The following PAMR1 variants were observed in gnomAD, a reference collection of about 807,000 sequenced individuals.
PAMR1 encodes the protein inactive serine protease PAMR1.
Under a neutral mutation model 81.8 loss-of-function variants are expected in PAMR1, and 88 were observed. The ratio of observed to expected loss-of-function variants is 1.08; its 90% CI spans 0.91 to 1.28. The LOEUF (loss-of-function observed/expected upper bound fraction) is 1.28. Among genes scored for constraint, PAMR1 ranks in the 50% most tolerant of loss-of-function variants. The probability of loss-of-function intolerance (pLI) is 0.00; values close to 1 mark genes in which losing one functional copy is unlikely to be tolerated. For missense variants in PAMR1, 935 were observed against 919.7 expected, an observed-to-expected ratio of 1.02 and a Z score of -0.21; for synonymous variants, 336 against 345.3, an observed-to-expected ratio of 0.97 and a Z score of 0.30.
intron 1 of PAMR1, among the ~76,000 whole-genome samples, chr11:35,522,169 G>T (rs937952210): frequency 6.6e-6 from 1 of 152,062 alleles, no homozygotes; most frequent in Non-Finnish European, 1.5e-5. Context: ...TGATCTGCCC[G>T]CCCTGGCCTC....
upstream of PAMR1, among the ~76,000 whole-genome samples, chr11:35,529,728 T>C (rs1213675109): frequency 5.9e-5 from 9 of 152,184 alleles, no homozygotes; most frequent in African/African-American, 2.2e-4. Context: ...TACCACTGCT[T>C]GCTTCGGGGA....
At chr11:35,497,749 A>G (rs745424543) in intron 1 of PAMR1, among the ~76,000 whole-genome samples, 1 of 152,200 alleles carries the variant, frequency 6.6e-6, no homozygotes, top group Non-Finnish European at 1.5e-5. Context: ...GATCAACTAT[A>G]ACATGTCACT....
intron 1 of PAMR1, among the ~76,000 whole-genome samples, chr11:35,507,039 CT>C (rs71044524): frequency 1.8e-3 from 156 of 86,766 alleles, no homozygotes; most frequent in Non-Finnish European, 2.3e-3. Context: ...AATAGCCTGA[CT>C]TTTTTTTTTT....
At chr11:35,524,321 G>A (rs1851343968) in intron 1 of PAMR1, among the ~76,000 whole-genome samples, 1 of 152,192 alleles carries the variant, frequency 6.6e-6, no homozygotes. Flanking sequence ...ACCTGGGCAG[G>A]CAGGCTCTAG....
intron 7 of PAMR1, among the ~76,000 whole-genome samples, chr11:35,441,201 A>C (rs1347653304): frequency 6.6e-6 from 1 of 152,170 alleles, no homozygotes; most frequent in Non-Finnish European, 1.5e-5. Flanking sequence ...GCATATATTA[A>C]ACTCAGCCCT....
In PAMR1 at chr11:35,487,358, C is replaced by A. The variant is rs114596389; in HGVS notation, c.379+4687G>T. ...ACCAAGCCTGCTTTTCCACTTAAGA[C>A]CTCCTGTCCCTATTGCCCCTCTACC... On this transcript the variant is annotated intron_variant, in intron 3 of 10. Transcript: ENST00000619888. Among the ~76,000 whole-genome samples the A allele has an allele frequency of 9.2e-3, 1,394 of 152,298 alleles. 25 individuals are homozygous for A. The highest frequency in any genetic ancestry group is 0.032 in the African/African-American group (1,319 of 41,546).
chr11:35,434,205 C>T (rs999898932), intron 10 of PAMR1, among the ~76,000 whole-genome samples: 1 of 152,078 alleles, frequency 6.6e-6, no homozygotes, highest in Admixed American at 6.5e-5. Context: ...CATATCCTAC[C>T]AGGTAACATG....
intron 1 of PAMR1, among the ~76,000 whole-genome samples, chr11:35,494,516 G>A (rs1850689303): frequency 1.3e-5 from 2 of 152,160 alleles, no homozygotes; most frequent in Non-Finnish European, 2.9e-5. Flanking sequence ...TGTATTTTTA[G>A]TAGAGACCGG....
At chr11:35,479,508 G>A (rs944118935) in intron 3 of PAMR1, among the ~76,000 whole-genome samples, 4 of 152,170 alleles carry the variant, frequency 2.6e-5, no homozygotes, top group African/African-American at 4.8e-5. Flanking sequence ...TATTTTTCTC[G>A]AGTCTTGTCT....
rs549368517 is a variant in PAMR1, at chr11:35,479,909, A to C, written c.380-5165T>G. 2.6e-5 allele frequency among the ~76,000 whole-genome samples: 4 copies of C among 152,302 alleles called. No individual in the cohort carries two copies. The East Asian group carries it at 7.7e-4, about 29-fold the overall frequency. Reference sequence around the variant, plus strand: ...GAGTCAGTACAGGAAGGTACTCCGAATGATGCCTGGTTCATAGTAAGTACT... The same window carrying C: ...GAGTCAGTACAGGAAGGTACTCCGACTGATGCCTGGTTCATAGTAAGTACT... On this transcript the variant is annotated intron_variant, in intron 3 of 10. Transcript: ENST00000619888.
At chr11:35,501,679 C>T (rs919052550) in intron 1 of PAMR1, among the ~76,000 whole-genome samples, 8 of 152,052 alleles carry the variant, frequency 5.3e-5, no homozygotes, top group African/African-American at 4.8e-5. Flanking sequence ...AGTAAGAACA[C>T]GCAATATTTA....
In PAMR1 at chr11:35,435,919, T is replaced by G. The variant is rs1590313903; in HGVS notation, c.1317A>C (p.Ala439=). The G allele has an allele frequency of 6.2e-7, 1 of 1,613,578 alleles. No homozygotes were observed. The highest frequency in any genetic ancestry group is 1.1e-5 in the South Asian group (1 of 91,072). Reference sequence around the variant, plus strand: ...TTGACTCACTAGGGATGCAGGATGGTGCCCGCCCACTCCACTTCCCAGTCC... The same window carrying G: ...TTGACTCACTAGGGATGCAGGATGGGGCCCGCCCACTCCACTTCCCAGTCC... The part of the protein sequence containing the change: ...CLRTGKWSGR[A]PSCIPICGKI... Residue 439 remains alanine (A), a synonymous_variant, in exon 9 of 11, where the codon GCA becomes GCC. Coordinates refer to ENST00000619888, the MANE Select transcript of PAMR1 (RefSeq NM_001001991.3).
intron 6 of PAMR1, among the ~76,000 whole-genome samples, chr11:35,459,807 A>G (rs1856612656): frequency 6.6e-6 from 1 of 152,220 alleles, no homozygotes. Flanking sequence ...TAAGATTGGA[A>G]TTGTTCCATA....
At chr11:35,505,579 C>G (rs1232411422) in intron 1 of PAMR1, among the ~76,000 whole-genome samples, 2 of 152,072 alleles carry the variant, frequency 1.3e-5, no homozygotes, top group Non-Finnish European at 2.9e-5. Flanking sequence ...TATCCTCTTG[C>G]TGAATTGACT....
chr11:35,460,885 G>A (rs905348411), intron 6 of PAMR1, among the ~76,000 whole-genome samples: 2 of 152,094 alleles, frequency 1.3e-5, no homozygotes, highest in Non-Finnish European at 2.9e-5. Flanking sequence ...CTGAGGAATC[G>A]CCACACTCTT....
chr11:35,436,795 A>G (rs551796242), intron 8 of PAMR1, among the ~76,000 whole-genome samples: 1 of 152,334 alleles, frequency 6.6e-6, no homozygotes, highest in African/African-American at 2.4e-5. Flanking sequence ...TTTTAACCAA[A>G]GACAATAATA....
At chr11:35,493,058 T>A (rs2135400733) in intron 2 of PAMR1, among the ~76,000 whole-genome samples, 1 of 152,308 alleles carries the variant, frequency 6.6e-6, no homozygotes, top group African/African-American at 2.4e-5. Context: ...GCATCCGACT[T>A]GACTCTGTTC....
At chr11:35,494,906 G>A (rs1223863988) in intron 1 of PAMR1, among the ~76,000 whole-genome samples, 1 of 152,214 alleles carries the variant, frequency 6.6e-6, no homozygotes, top group Non-Finnish European at 1.5e-5. Flanking sequence ...AATAGAACCT[G>A]TATATAATTT....
intron 7 of PAMR1, 78 bp from the exon 8 acceptor site, chr11:35,439,771 G>T: frequency 1.6e-6 from 2 of 1,255,542 alleles, no homozygotes; most frequent in Non-Finnish European, 2.3e-6. Context: ...ATTCATACCT[G>T]ACCCCCACTT....
Sources: allele counts gnomAD v4.1 joint callset (sites outside exome capture counted in the v4.1 genomes callset), GRCh38; gene constraint gnomAD v4.1.1; transcripts MANE v1.5; gene names NCBI Gene and HGNC (gene_info 2026-07-23, HGNC 2026-07-21).